The following ANTXR1 variants were observed in gnomAD, a reference collection of about 807,000 sequenced individuals.
ANTXR1 encodes ANTXR cell adhesion molecule 1.
A neutral mutation model predicts 78.1 loss-of-function variants in ANTXR1; 19 were observed. The observed-to-expected ratio is 0.24, with a 90% CI of 0.17 to 0.36. The LOEUF (loss-of-function observed/expected upper bound fraction) is 0.36, where lower values mean the gene tolerates loss of function less well. Ranked by LOEUF, ANTXR1 falls within the 10% of genes least tolerant of loss-of-function variation. The pLI is 1.00. For missense variants in ANTXR1, 518 were observed against 718.6 expected (o/e 0.72, Z 3.19); for synonymous variants, 273 against 260.5 (o/e 1.05, Z -0.46).
intron 12 of ANTXR1, among the ~76,000 whole-genome samples, chr2:69,127,539 A>G (rs1672580344): frequency 6.6e-6 from 1 of 152,114 alleles, no homozygotes; most frequent in African/African-American, 2.4e-5. Flanking sequence ...AGAGGAAAAC[A>G]TGGTCTGACT....
chr2:69,246,480 GTTTT>G lies in ANTXR1; in HGVS notation c.*998_*1001del, dbSNP rs953116472. 1 of 151,726 alleles carries G rather than the reference GTTTT, an allele frequency of 6.6e-6. No homozygotes were observed. The highest frequency in any genetic ancestry group is 1.5e-5 in the Non-Finnish European group (1 of 67,976). 9.4% of individuals were successfully genotyped at this position (151,726 alleles called of 1,614,324 possible). ...TATCACTAGTTTTTTTTGTTTGTTT[GTTTT>G]TTGTTTTTTTTCTTGGTAAAGCCAT... On this transcript the variant is annotated 3_prime_UTR_variant, in exon 18 of 18. Coordinates refer to ENST00000303714, the MANE Select transcript of ANTXR1 (RefSeq NM_032208.3).
intron 14 of ANTXR1, among the ~76,000 whole-genome samples, chr2:69,177,625 G>C (rs1019259749): frequency 6.6e-6 from 1 of 152,070 alleles, no homozygotes; most frequent in East Asian, 1.9e-4. Context: ...CAATCCCTGC[G>C]GTTTCTCCCA....
chr2:69,164,628 T>C (rs1673779385), intron 13 of ANTXR1, among the ~76,000 whole-genome samples: 1 of 152,212 alleles, frequency 6.6e-6, no homozygotes, highest in Admixed American at 6.5e-5. Flanking sequence ...ATAAGATCCA[T>C]GTCCCTAATT....
chr2:69,126,255 T>C (rs865979970), intron 12 of ANTXR1, among the ~76,000 whole-genome samples: 1 of 152,196 alleles, frequency 6.6e-6, no homozygotes, highest in Non-Finnish European at 1.5e-5. Context: ...GGGTAACCCA[T>C]TGTAAAGGTA....
intron 1 of ANTXR1, among the ~76,000 whole-genome samples, chr2:69,025,250 T>G (rs530546275): frequency 2.0e-4 from 30 of 152,228 alleles, no homozygotes; most frequent in East Asian, 7.7e-4. Flanking sequence ...AAAATAATAA[T>G]AAGAACAACC....
chr2:69,245,014 G>A (rs1450547235), intron 17 of ANTXR1, among the ~76,000 whole-genome samples: 1 of 152,054 alleles, frequency 6.6e-6, no homozygotes, highest in Non-Finnish European at 1.5e-5. Context: ...TTAGACTCCA[G>A]GAAAAGATGA....
Position 69,141,412 on chromosome 2 carries a change from A to G in ANTXR1, c.952-10757A>G, listed in dbSNP as rs536765850. On this transcript the variant is annotated intron_variant, in intron 12 of 17. Transcript: ENST00000303714. ...CACCTGTCCATCATTGGAAAGATTT[A>G]CAATGATTCTGAAGGACAGGCAGTG... Among the ~76,000 whole-genome samples, 35 of 152,368 alleles carry G rather than the reference A, an allele frequency of 2.3e-4. No individual in the cohort carries two copies. The South Asian group carries it at 7.2e-3, about 32-fold the overall frequency.
intron 1 of ANTXR1, among the ~76,000 whole-genome samples, chr2:69,029,291 T>C (rs948736956): frequency 1.1e-4 from 17 of 149,068 alleles, no homozygotes; most frequent in Non-Finnish European, 7.4e-5. Flanking sequence ...GGATATCTAA[T>C]ATCTAATATA....
chr2:69,101,328 G>A (rs1474276700), intron 9 of ANTXR1, among the ~76,000 whole-genome samples: 2 of 152,308 alleles, frequency 1.3e-5, no homozygotes, highest in African/African-American at 4.8e-5. Flanking sequence ...TCGCATGGTG[G>A]TTCAGAAGCT....
At chr2:69,173,078 A>AT (rs1674036217) in intron 14 of ANTXR1, among the ~76,000 whole-genome samples, 1 of 152,210 alleles carries the variant, frequency 6.6e-6, no homozygotes, top group South Asian at 2.1e-4. Context: ...CCTGCAAAAA[A>AT]CAGAGACCAG....
intron 8 of ANTXR1, among the ~76,000 whole-genome samples, chr2:69,084,923 G>T (rs952313031): frequency 6.7e-6 from 1 of 148,978 alleles, no homozygotes; most frequent in Non-Finnish European, 1.5e-5. Flanking sequence ...CGCTATCTCG[G>T]CTCACTGCAA....
In ANTXR1 at chr2:69,013,442, G is replaced by C. The variant is rs372469957; in HGVS notation, c.-58G>C. ...CGCGGATGGCGCGTCCCTGAGGGTC[G>C]TGGCGAGTTCGCGGAGCGTGGGAAG... is the stretch of plus-strand genomic sequence containing the variant. On this transcript the variant is annotated 5_prime_UTR_variant, in exon 1 of 18. Coordinates refer to ENST00000303714, the MANE Select transcript of ANTXR1 (RefSeq NM_032208.3). The surrounding 1 kb of genome is among the most constrained non-coding windows in gnomAD (Gnocchi z 5.0). 1.3e-5 allele frequency: 21 copies of C among 1,570,910 alleles called. No individual in the cohort carries two copies. Among genetic ancestry groups the C allele is most frequent in the Middle Eastern group, 2.3e-4 (1 of 4,416 alleles).
At chr2:69,233,097 CTG>C (rs1675664692) in intron 17 of ANTXR1, among the ~76,000 whole-genome samples, 1 of 152,018 alleles carries the variant, frequency 6.6e-6, no homozygotes, top group Admixed American at 6.6e-5. Context: ...AAATCAATAT[CTG>C]TGGCAAAAAT....
intron 16 of ANTXR1, among the ~76,000 whole-genome samples, chr2:69,188,201 G>A (rs568436183): frequency 6.6e-6 from 1 of 152,148 alleles, no homozygotes; most frequent in Non-Finnish European, 1.5e-5. Context: ...CATCAACCTA[G>A]GTTCAAGGGA....
chr2:69,134,795 G>C (rs1269919977), intron 12 of ANTXR1, among the ~76,000 whole-genome samples: 1 of 152,116 alleles, frequency 6.6e-6, no homozygotes, highest in Non-Finnish European at 1.5e-5. Flanking sequence ...TCAGACCAGA[G>C]TACTTCAAAC....
chr2:69,088,094 G>A (rs915192973), intron 8 of ANTXR1, among the ~76,000 whole-genome samples: 1 of 152,130 alleles, frequency 6.6e-6, no homozygotes, highest in African/African-American at 2.4e-5. Context: ...GCATTTTTTG[G>A]CCCTCCATAC....
At chr2:69,240,530 G>A (rs1193361563) in intron 17 of ANTXR1, among the ~76,000 whole-genome samples, 1 of 152,196 alleles carries the variant, frequency 6.6e-6, no homozygotes, top group Non-Finnish European at 1.5e-5. Context: ...AGGTGATGGG[G>A]AATCACTGAA....
At chr2:69,151,569 C>A (rs886934516) in intron 12 of ANTXR1, among the ~76,000 whole-genome samples, 2 of 152,166 alleles carry the variant, frequency 1.3e-5, no homozygotes, top group African/African-American at 4.8e-5. Context: ...TTCCTCCCTC[C>A]CTCATTCCCA....
chr2:69,033,832 AG>A (rs1441341297), intron 1 of ANTXR1, among the ~76,000 whole-genome samples: 1 of 152,202 alleles, frequency 6.6e-6, no homozygotes, highest in Non-Finnish European at 1.5e-5. Context: ...GTGCAAAAGA[AG>A]GGAGGATAAT....
Sources: gnomAD v4.1 joint callset for allele counts (sites outside exome capture counted in the v4.1 genomes callset) on GRCh38, gnomAD v4.1.1 for gene constraint, Gnocchi (gnomAD v3.1) non-coding constraint, MANE v1.5 for transcripts, NCBI Gene and HGNC (gene_info 2026-07-23, HGNC 2026-07-21) for gene names.